MARK2: variants seen among roughly 807,000 people sequenced by gnomAD.
The protein encoded by MARK2 is serine/threonine-protein kinase MARK2.
Under a neutral mutation model 89.8 loss-of-function variants are expected in MARK2, and 16 were observed. That is an observed-to-expected ratio of 0.18 (90% CI 0.12 to 0.27). The LOEUF (loss-of-function observed/expected upper bound fraction) is 0.27, where lower values mean the gene tolerates loss of function less well. Among genes scored for constraint, MARK2 ranks in the 10% least tolerant of loss-of-function variants. The pLI is 1.00. For missense variants in MARK2, 621 were observed against 1,049.9 expected (o/e 0.59, Z 5.65); for synonymous variants, 382 against 399.5 (o/e 0.96, Z 0.52).
At chr11:63,892,298 G>A (rs920258116) in intron 1 of MARK2, among the ~76,000 whole-genome samples, 6 of 152,192 alleles carry the variant, frequency 3.9e-5, no homozygotes, top group African/African-American at 9.7e-5. Context: ...AAGACAGCCT[G>A]CAGCTACCAT....
At chr11:63,879,909 C>G (rs1324884826) in intron 1 of MARK2, among the ~76,000 whole-genome samples, 1 of 152,124 alleles carries the variant, frequency 6.6e-6, no homozygotes, top group Admixed American at 6.6e-5. Flanking sequence ...TTGTTCACTT[C>G]CAGAGAAAGA....
intron 1 of MARK2, among the ~76,000 whole-genome samples, chr11:63,864,857 A>C (rs1380487494): frequency 6.6e-6 from 1 of 152,034 alleles, no homozygotes; most frequent in Non-Finnish European, 1.5e-5. Flanking sequence ...ATATTAAATA[A>C]ATAAATAAGA....
Position 63,900,425 on chromosome 11 carries a change from C to T in MARK2, c.769-134C>T. 1 of 1,101,946 alleles carries T rather than the reference C, an allele frequency of 9.1e-7. No homozygotes were observed. The highest frequency in any genetic ancestry group is 1.3e-6 in the Non-Finnish European group (1 of 758,594). 68.3% of individuals were successfully genotyped at this position (1,101,946 alleles called of 1,614,324 possible). ...GCCTCTCTGGTGAGGTGTCTTGTCC[C>T]CAGGCTGTCTGCCTTCTTCCATATT... On this transcript the variant is annotated intron_variant, in intron 8 of 18. Transcript: ENST00000402010. This position sits in a 1 kb window ranked among gnomAD's most constrained non-coding sequence, Gnocchi z 4.7.
At chr11:63,845,725 T>C (rs983144947) in intron 1 of MARK2, among the ~76,000 whole-genome samples, 35 of 152,132 alleles carry the variant, frequency 2.3e-4, no homozygotes, top group Non-Finnish European at 4.3e-4. Context: ...TGAAGGTCAT[T>C]GCTCGTCTTT....
At position 63,903,394 on chromosome 11, in the gene MARK2, C is replaced by G; in HGVS notation, c.1514+236C>G. On this transcript the variant is annotated intron_variant, in intron 14 of 18. Transcript: ENST00000402010. The surrounding 1 kb of genome is among the most constrained non-coding windows in gnomAD (Gnocchi z 5.1). ...CAAGTGTGGGGCTGACCGTGGCCAT[C>G]TCAGCTACATGCTCGCTTCTTGACC... The G allele has an allele frequency of 1.9e-6, 1 of 537,820 alleles. No homozygotes were observed. 33.3% of individuals were successfully genotyped at this position (537,820 alleles called of 1,614,324 possible).
chr11:63,899,251 T>TTC (rs201880408), intron 7 of MARK2, 143 bp downstream of exon 7: 9 of 422,786 alleles, frequency 2.1e-5, no homozygotes, highest in Admixed American at 3.9e-5. Flanking sequence ...CTTTCTTTCT[T>TTC]TTTTTTTTTT....
In MARK2 at chr11:63,881,768, A is replaced by C. The variant is rs1939103980; in HGVS notation, c.55-13391A>C. ...TGAGGCCAGCCTGGGCAAGATGGCA[A>C]GATGCCATCTCTACAAAAAAAATGA... On this transcript the variant is annotated intron_variant, in intron 1 of 18. Transcript: ENST00000402010. 2.0e-5 allele frequency among the ~76,000 whole-genome samples: 3 copies of C among 152,266 alleles called. No homozygotes were observed. The South Asian group carries it at 6.2e-4, about 32-fold the overall frequency.
intron 1 of MARK2, chr11:63,888,448 C>T: frequency 8.3e-6 from 7 of 848,016 alleles, no homozygotes; most frequent in Non-Finnish European, 9.8e-6. Context: ...TGTTACCCAG[C>T]AAAGCACCTT....
rs750155967 is a variant in MARK2, at chr11:63,910,652, A to ATTTTTTTTTTTT, written c.*1418_*1429dup. 4 of 137,430 alleles carry ATTTTTTTTTTTT rather than the reference A, an allele frequency of 2.9e-5. No homozygotes were observed. Among genetic ancestry groups the ATTTTTTTTTTTT allele is most frequent in the Non-Finnish European group, 3.1e-5 (2 of 64,264 alleles). The allele number at this position is 137,430 out of a possible 1,614,324, so 8.5% of individuals were successfully genotyped here. On this transcript the variant is annotated 3_prime_UTR_variant, in exon 19 of 19. Transcript: ENST00000402010. The stretch of plus-strand genomic sequence containing the variant: ...GTTTTATTTTTTATTATTTTATTTT[A>ATTTTTTTTTTTT]TTTTTTTTTTTTTTGATTTATGATG...
At chr11:63,841,773 C>T (rs2135186236) in intron 1 of MARK2, among the ~76,000 whole-genome samples, 1 of 152,290 alleles carries the variant, frequency 6.6e-6, no homozygotes, top group East Asian at 1.9e-4. Flanking sequence ...CAGACTGCCT[C>T]AGTGTGGTTT....
chr11:63,839,405 G>A lies in MARK2; in HGVS notation c.-102G>A, dbSNP rs924675651. On this transcript the variant is annotated 5_prime_UTR_variant, in exon 1 of 19. Coordinates refer to ENST00000402010, the MANE Select transcript of MARK2 (RefSeq NM_001039469.3). ...CACCCCCGGCCGGGGCCCATGCGGC[G>A]GGTGCTCCTGCTGTGAGAAGCCCCG... The A allele has an allele frequency of 4.5e-6, 3 of 667,484 alleles. No homozygotes were observed. Among genetic ancestry groups the A allele is most frequent in the East Asian group, 3.3e-5 (1 of 30,272 alleles). The allele number at this position is 667,484 out of a possible 1,614,324, so 41.3% of individuals were successfully genotyped here. A position where few individuals can be genotyped will look rare whatever the true frequency, so the allele number is the denominator to read the frequency against.
At chr11:63,845,971 C>T (rs1226744154) in intron 1 of MARK2, among the ~76,000 whole-genome samples, 1 of 151,868 alleles carries the variant, frequency 6.6e-6, no homozygotes, top group Non-Finnish European at 1.5e-5. Flanking sequence ...GATCCGCCTG[C>T]CGTGGCCTCT....
chr11:63,888,162 C>T (rs1939515492), intron 1 of MARK2, among the ~76,000 whole-genome samples: 1 of 152,110 alleles, frequency 6.6e-6, no homozygotes, highest in African/African-American at 2.4e-5. Context: ...CAAGGTTAAG[C>T]ACTGCTTTTT....
chr11:63,856,317 T>TG (rs1193395959), intron 1 of MARK2, among the ~76,000 whole-genome samples: 20 of 58,608 alleles, frequency 3.4e-4, no homozygotes, highest in African/African-American at 5.9e-4. Flanking sequence ...GGTTTTTTTT[T>TG]TTTGTTTTTT....
At chr11:63,888,923 G>A (rs1369439695) in intron 1 of MARK2, 1 of 1,350,924 alleles carries the variant, frequency 7.4e-7, no homozygotes, top group Non-Finnish European at 9.8e-7. Flanking sequence ...GGGCTCTGCT[G>A]AATGGAAGTC....
intron 17 of MARK2, among the ~76,000 whole-genome samples, chr11:63,907,372 G>A (rs940362856): frequency 4.6e-5 from 7 of 152,224 alleles, no homozygotes; most frequent in Non-Finnish European, 4.4e-5. Context: ...CTCCCTGCTC[G>A]CAGTGCGCTT....
Position 63,839,459 on chromosome 11 carries a change from C to T in MARK2, c.-48C>T, listed in dbSNP as rs1315083524. The T allele has an allele frequency of 7.8e-7, 1 of 1,286,588 alleles. No individual in the cohort carries two copies. Among genetic ancestry groups the T allele is most frequent in the Non-Finnish European group, 1.1e-6 (1 of 917,180 alleles). 79.7% of individuals were successfully genotyped at this position (1,286,588 alleles called of 1,614,324 possible). On this transcript the variant is annotated 5_prime_UTR_variant, in exon 1 of 19. Transcript: ENST00000402010. ...GGCCGGGCTCCGCGCCTTCCCTTCC[C>T]TCCCTTCCTCCAAGCTTCTCGGTTC...
At position 63,888,729 on chromosome 11, in the gene MARK2, G is replaced by A. The variant is rs958113401; in HGVS notation, c.55-6430G>A. 21 of 1,196,856 alleles carry A rather than the reference G, an allele frequency of 1.8e-5. No individual in the cohort carries two copies. In the East Asian group the frequency reaches 2.9e-4, roughly 17 times the overall value. The allele number at this position is 1,196,856 out of a possible 1,614,324, so 74.1% of individuals were successfully genotyped here. A position where few individuals can be genotyped will look rare whatever the true frequency, so the allele number is the denominator to read the frequency against. On this transcript the variant is annotated intron_variant, in intron 1 of 18. Transcript: ENST00000402010. ...TAGTGGTGGTTTCGGTTGCGACACC[G>A]TCCAGGTTCCCAGGCAGGAACCGCT...
chr11:63,894,846 G>A (rs558457882), intron 1 of MARK2, among the ~76,000 whole-genome samples: 1 of 152,252 alleles, frequency 6.6e-6, no homozygotes, highest in African/African-American at 2.4e-5. Flanking sequence ...GCAGGGTACC[G>A]GCTCTCCCTC....
Sources: gnomAD v4.1 joint callset for allele counts (sites outside exome capture counted in the v4.1 genomes callset) on GRCh38, gnomAD v4.1.1 for gene constraint, Gnocchi (gnomAD v3.1) non-coding constraint, MANE v1.5 for transcripts, NCBI Gene and HGNC (gene_info 2026-07-23, HGNC 2026-07-21) for gene names.